Variants in NEMP2 observed in about 807,000 individuals in gnomAD.
The protein encoded by NEMP2 is nuclear envelope integral membrane protein 2.
A neutral mutation model predicts 54.2 loss-of-function variants in NEMP2; 53 were observed. The observed-to-expected ratio is 0.98, with a 90% CI of 0.78 to 1.23. The LOEUF is 1.23. Ranked by LOEUF, NEMP2 falls within the 50% of genes most tolerant of loss-of-function variation. The pLI, the probability that NEMP2 is intolerant of heterozygous loss-of-function variation, is 0.00. For missense variants in NEMP2, 455 were observed against 511.3 expected (o/e 0.89, Z 1.06); for synonymous variants, 197 against 190.3 (o/e 1.04, Z -0.29).
chr2:190,503,866 T>C (rs1481194613), downstream of NEMP2, among the ~76,000 whole-genome samples: 2 of 152,168 alleles, frequency 1.3e-5, no homozygotes, highest in African/African-American at 4.8e-5. This position sits in a 1 kb window ranked among gnomAD's most constrained non-coding sequence, Gnocchi z 6.3. Flanking sequence ...CAGGACAAAC[T>C]GTGGCTTCTT....
chr2:190,586,018 T>G, the NEMP2 span, among the ~76,000 whole-genome samples: 1 of 152,176 alleles, frequency 6.6e-6, no homozygotes, highest in African/African-American at 2.4e-5. The surrounding 1 kb of genome is among the most constrained non-coding windows in gnomAD (Gnocchi z 4.5). Context: ...TGTTGGAAAC[T>G]TTTCTATCCC....
At position 190,530,724 on chromosome 2, in the gene NEMP2, T is replaced by C. The variant is rs1206876332; in HGVS notation, c.97+3835A>G. ...CCAGTTTGACTGCTTATTTGAACTC[T>C]ATGGCTGATTATGCCCTGACACTGA... On this transcript the variant is annotated intron_variant, in intron 1 of 8. Coordinates refer to ENST00000409150, the MANE Select transcript of NEMP2 (RefSeq NM_001142645.2). This position sits in a 1 kb window ranked among gnomAD's most constrained non-coding sequence, Gnocchi z 4.6. 6.6e-6 allele frequency among the ~76,000 whole-genome samples: 1 copy of C among 152,258 alleles called. No homozygotes were observed. Among genetic ancestry groups the C allele is most frequent in the Non-Finnish European group, 1.5e-5 (1 of 68,046 alleles).
chr2:190,533,902 G>A lies in NEMP2; in HGVS notation c.97+657C>T. ...CTTCCCCAGTGTGCCAGCATCTTAA[G>A]CCCACTCCGTGGCGAGCCCCTACAG... On this transcript the variant is annotated intron_variant, in intron 1 of 8. Transcript: ENST00000409150. The surrounding 1 kb of genome is among the most constrained non-coding windows in gnomAD (Gnocchi z 4.3). The A allele has an allele frequency of 1.1e-6, 1 of 892,384 alleles. No homozygotes were observed. Among genetic ancestry groups the A allele is most frequent in the Non-Finnish European group, 1.3e-6 (1 of 745,176 alleles). 55.3% of individuals were successfully genotyped at this position (892,384 alleles called of 1,614,324 possible).
chr2:190,441,505 G>T, the NEMP2 span, among the ~76,000 whole-genome samples: 3 of 151,986 alleles, frequency 2.0e-5, no homozygotes, highest in Non-Finnish European at 2.9e-5. Context: ...GGAAAGCAGG[G>T]CATTTATATT....
At chr2:190,600,308 T>C in the NEMP2 span, among the ~76,000 whole-genome samples, 1 of 152,044 alleles carries the variant, frequency 6.6e-6, no homozygotes, top group Non-Finnish European at 1.5e-5. The surrounding 1 kb of genome is among the most constrained non-coding windows in gnomAD (Gnocchi z 4.9). Context: ...GGGGACTCAG[T>C]AGAGTAGAGT....
At chr2:190,464,559 G>C in the NEMP2 span, among the ~76,000 whole-genome samples, 1 of 152,268 alleles carries the variant, frequency 6.6e-6, no homozygotes, top group East Asian at 1.9e-4. Flanking sequence ...TCTGGCCACA[G>C]ATGCTTGAGA....
At chr2:190,552,948 T>G in the NEMP2 span, among the ~76,000 whole-genome samples, 2 of 152,124 alleles carry the variant, frequency 1.3e-5, no homozygotes, top group Non-Finnish European at 2.9e-5. Context: ...CTAGAACCAG[T>G]TAAAAAAAAT....
rs542495232 is a variant in NEMP2 at position 190,509,201 on chromosome 2, C to T, written c.1242G>A (p.Pro414=). 8.4e-6 allele frequency: 13 copies of T among 1,551,628 alleles called. No homozygotes were observed. Among genetic ancestry groups the T allele is most frequent in the East Asian group, 2.4e-5 (1 of 40,922 alleles). ...TGAAGGTCGCATGTCAGGCAGTACT[C>T]GGGTTAAAGAGCTGCTCTTCCAAGA... The part of the protein sequence containing the change: ...GAFLEEQLFN[P]STA The change falls in exon 9 of 9, where the codon CCG becomes CCA. Residue 414 remains proline, a synonymous_variant. Coordinates refer to ENST00000409150, the MANE Select transcript of NEMP2 (RefSeq NM_001142645.2). This position sits in a 1 kb window ranked among gnomAD's most constrained non-coding sequence, Gnocchi z 6.1.
the NEMP2 span, among the ~76,000 whole-genome samples, chr2:190,475,021 A>G: frequency 6.6e-6 from 1 of 152,236 alleles, no homozygotes; most frequent in Admixed American, 6.5e-5. Flanking sequence ...ACAACCCTTC[A>G]TGCTAAAAAC....
chr2:190,455,776 G>A, the NEMP2 span, among the ~76,000 whole-genome samples: 1 of 151,064 alleles, frequency 6.6e-6, no homozygotes, highest in Non-Finnish European at 1.5e-5. Flanking sequence ...TTTTTTTTGT[G>A]ATTCCTGTCA....
At chr2:190,570,672 A>G in the NEMP2 span, among the ~76,000 whole-genome samples, 2 of 152,184 alleles carry the variant, frequency 1.3e-5, no homozygotes, top group African/African-American at 2.4e-5. The surrounding 1 kb of genome is among the most constrained non-coding windows in gnomAD (Gnocchi z 5.4). Context: ...TCACCATTCT[A>G]TTTCCATTTG....
rs935798290 is a variant in NEMP2 at position 190,514,157 on chromosome 2, G to A, written c.953+296C>T. ...TTAAAGAAAATGTTGAATAAAAGAA[G>A]ATATTTTAGGTAACCCAGAGTCCAA... On this transcript the variant is annotated intron_variant, in intron 7 of 8. Coordinates refer to ENST00000409150, the MANE Select transcript of NEMP2 (RefSeq NM_001142645.2). This position sits in a 1 kb window ranked among gnomAD's most constrained non-coding sequence, Gnocchi z 5.7. 6.6e-6 allele frequency among the ~76,000 whole-genome samples: 1 copy of A among 152,182 alleles called. No individual in the cohort carries two copies. The highest frequency in any genetic ancestry group is 1.5e-5 in the Non-Finnish European group (1 of 68,032).
chr2:190,533,916 G>A lies in NEMP2; in HGVS notation c.97+643C>T, dbSNP rs1251759207. ...CAGCATCTTAAGCCCACTCCGTGGC[G>A]AGCCCCTACAGCTAGCAGCCGCTAC... On this transcript the variant is annotated intron_variant, in intron 1 of 8. Coordinates refer to ENST00000409150, the MANE Select transcript of NEMP2 (RefSeq NM_001142645.2). The surrounding 1 kb of genome is among the most constrained non-coding windows in gnomAD (Gnocchi z 4.3). 8 of 942,250 alleles carry A rather than the reference G, an allele frequency of 8.5e-6. No homozygotes were observed. The highest frequency in any genetic ancestry group is 1.0e-5 in the Non-Finnish European group (8 of 790,722). 58.4% of individuals were successfully genotyped at this position (942,250 alleles called of 1,614,324 possible). A position where few individuals can be genotyped will look rare whatever the true frequency, so the allele number is the denominator to read the frequency against.
At chr2:190,497,486 C>G in the NEMP2 span, 2 of 1,614,048 alleles carry the variant, frequency 1.2e-6, no homozygotes, top group Admixed American at 3.3e-5. This position sits in a 1 kb window ranked among gnomAD's most constrained non-coding sequence, Gnocchi z 5.2. Context: ...CAGTCCCGTT[C>G]CTATAGCAAC....
At chr2:190,534,726 G>T (rs1009566068), upstream of NEMP2, 2 of 1,142,178 alleles carry the variant, frequency 1.8e-6, no homozygotes, top group African/African-American at 1.6e-5. Flanking sequence ...CGGAAGTGGC[G>T]CGGGGGCTCA....
chr2:190,518,914 TG>T, intron 3 of NEMP2, 37 bp downstream of exon 3: 1 of 1,526,040 alleles, frequency 6.6e-7, no homozygotes, highest in African/African-American at 1.4e-5. Context: ...CCAGAAAAAC[TG>T]AATCCAGAAA....
chr2:190,501,328 A>T (rs1690012772), downstream of NEMP2: 1 of 152,178 alleles, frequency 6.6e-6, no homozygotes, highest in Non-Finnish European at 1.5e-5. Context: ...AAGAAAGAAA[A>T]TCTCAGTATA....
chr2:190,591,446 A>G, the NEMP2 span, among the ~76,000 whole-genome samples: 4 of 152,198 alleles, frequency 2.6e-5, no homozygotes, highest in African/African-American at 9.6e-5. The surrounding 1 kb of genome is among the most constrained non-coding windows in gnomAD (Gnocchi z 5.4). Context: ...GGTTCCTAGT[A>G]CTGTAGGGAT....
At chr2:190,459,627 A>G in the NEMP2 span, among the ~76,000 whole-genome samples, 2 of 152,182 alleles carry the variant, frequency 1.3e-5, no homozygotes, top group Non-Finnish European at 2.9e-5. This position sits in a 1 kb window ranked among gnomAD's most constrained non-coding sequence, Gnocchi z 5.3. Context: ...GATACACACA[A>G]CTTAAGAAAA....
Sources: gnomAD v4.1 joint callset for allele counts (sites outside exome capture counted in the v4.1 genomes callset) on GRCh38, gnomAD v4.1.1 for gene constraint, Gnocchi (gnomAD v3.1) non-coding constraint, MANE v1.5 for transcripts, NCBI Gene and HGNC (gene_info 2026-07-23, HGNC 2026-07-21) for gene names.